CTCF: variants seen among roughly 807,000 people sequenced by gnomAD.
CTCF encodes the protein CCCTC-binding factor, also known as transcriptional repressor CTCF.
CTCF carries 7 observed loss-of-function variants against 72.3 expected under a neutral mutation model. The ratio of observed to expected loss-of-function variants is 0.10; its 90% CI spans 0.06 to 0.18. The LOEUF is 0.18. CTCF is among the 10% of genes least tolerant of loss of function. CTCF has a pLI of 1.00. For synonymous variants in CTCF, 374 were observed against 315.8 expected (o/e 1.18, Z -1.95); for missense variants, 516 against 949.1 (o/e 0.54, Z 6.00).
At chr16:67,637,657 C>G in intron 11 of CTCF, 31 bp from the exon 12 acceptor site, 2 of 1,584,344 alleles carry the variant, frequency 1.3e-6, no homozygotes, top group Non-Finnish European at 1.7e-6. Flanking sequence ...TTTAATGGAC[C>G]ATTTGTTCTG....
At chr16:67,607,506 A>G (rs1240110562) in intron 2 of CTCF, among the ~76,000 whole-genome samples, 3 of 149,710 alleles carry the variant, frequency 2.0e-5, no homozygotes, top group Non-Finnish European at 4.5e-5. Context: ...GGGTTTTGCC[A>G]TGTTAGCCAG....
intron 2 of CTCF, among the ~76,000 whole-genome samples, chr16:67,597,221 T>A (rs59939347): frequency 0.043 from 6,614 of 152,128 alleles, 471 homozygotes; most frequent in African/African-American, 0.15. Context: ...TTTTTAGTAT[T>A]GATGGAGTAT....
intron 3 of CTCF, 62 bp downstream of exon 3, chr16:67,611,675 T>C: frequency 7.0e-7 from 1 of 1,431,890 alleles, no homozygotes; most frequent in Non-Finnish European, 9.6e-7. Context: ...TACAACACAG[T>C]GCATATGCAA....
At chr16:67,583,484 C>G (rs1182517878) in intron 2 of CTCF, among the ~76,000 whole-genome samples, 1 of 151,710 alleles carries the variant, frequency 6.6e-6, no homozygotes, top group African/African-American at 2.4e-5. Flanking sequence ...GTCAAGAGTT[C>G]AAGACCAGCC....
intron 2 of CTCF, among the ~76,000 whole-genome samples, chr16:67,590,191 A>T (rs1236509264): frequency 1.3e-5 from 2 of 151,344 alleles, no homozygotes; most frequent in Admixed American, 1.3e-4. Flanking sequence ...ATTATTGTCT[A>T]GCCTTTATTA....
chr16:67,627,600 A>G (rs917903061), intron 8 of CTCF: 5 of 151,616 alleles, frequency 3.3e-5, no homozygotes, highest in African/African-American at 1.2e-4. Flanking sequence ...GGAGTTCAAG[A>G]CCAGCCTGGC....
At chr16:67,577,353 GTC>G in intron 2 of CTCF, among the ~76,000 whole-genome samples, 1 of 128,498 alleles carries the variant, frequency 7.8e-6, no homozygotes, top group Non-Finnish European at 1.6e-5. Flanking sequence ...GGGAGGCTCT[GTC>G]TCAAAAAAAA....
At chr16:67,608,521 A>G (rs917738370) in intron 2 of CTCF, among the ~76,000 whole-genome samples, 6 of 151,908 alleles carry the variant, frequency 3.9e-5, no homozygotes, top group African/African-American at 1.5e-4. Context: ...AAGGTCAAAA[A>G]CCCTTGACAG....
chr16:67,609,829 T>C (rs1237982528), intron 2 of CTCF, among the ~76,000 whole-genome samples: 1 of 152,086 alleles, frequency 6.6e-6, no homozygotes, highest in East Asian at 1.9e-4. Flanking sequence ...TTTCACCGTG[T>C]TAGCCAGGAT....
At chr16:67,575,395 TATGGC>T (rs2051481951) in intron 2 of CTCF, among the ~76,000 whole-genome samples, 1 of 151,120 alleles carries the variant, frequency 6.6e-6, no homozygotes. Flanking sequence ...TTAATAGCTA[TATGGC>T]CTTGGGCAGG....
intron 10 of CTCF, 39 bp downstream of exon 10, chr16:67,629,572 C>G (rs1269616953): frequency 6.2e-7 from 1 of 1,604,502 alleles, no homozygotes; most frequent in East Asian, 2.2e-5. Context: ...CTATGGCAGG[C>G]TTTGGAGCCC....
chr16:67,577,374 A>T (rs974590683), intron 2 of CTCF, among the ~76,000 whole-genome samples: 2 of 150,070 alleles, frequency 1.3e-5, no homozygotes, highest in East Asian at 2.0e-4. Context: ...AAAAAAAAAA[A>T]GGATAATGAA....
intron 2 of CTCF, among the ~76,000 whole-genome samples, chr16:67,590,462 TAC>T (rs1178671370): frequency 7.9e-5 from 12 of 152,028 alleles, no homozygotes; most frequent in Middle Eastern, 3.4e-3. Flanking sequence ...TAATTATTTC[TAC>T]ACACACACAT....
rs189668708 is a variant in CTCF, at chr16:67,593,869, A to G, written c.-9-16955A>G. Among the ~76,000 whole-genome samples the G allele has an allele frequency of 1.6e-3, 250 of 152,312 alleles. 1 individual carries two copies. Among genetic ancestry groups the G allele is most frequent in the African/African-American group, 5.7e-3 (235 of 41,572 alleles). ...TCAGTACACATGGATTATTCCTAGTATAATAACCAGTCTACTTAACTGACT... is the reference window on the plus strand; with the variant it reads ...TCAGTACACATGGATTATTCCTAGTGTAATAACCAGTCTACTTAACTGACT... On this transcript the variant is annotated intron_variant, in intron 2 of 11. Transcript: ENST00000264010.
chr16:67,590,943 AGAGT>A (rs2051734552), intron 2 of CTCF, among the ~76,000 whole-genome samples: 2 of 138,470 alleles, frequency 1.4e-5, no homozygotes, highest in Admixed American at 1.5e-4. Context: ...CCTGGATGAC[AGAGT>A]GAGACTCTGT....
At chr16:67,629,223 C>T (rs1463896801) in intron 9 of CTCF, among the ~76,000 whole-genome samples, 175 bp from the exon 10 acceptor site, 2 of 151,920 alleles carry the variant, frequency 1.3e-5, no homozygotes, top group Non-Finnish European at 2.9e-5. Flanking sequence ...TGCTGAGCCT[C>T]CCCTTAGAGA....
intron 2 of CTCF, among the ~76,000 whole-genome samples, chr16:67,573,288 G>C (rs1412163293): frequency 6.6e-6 from 1 of 151,716 alleles, no homozygotes; most frequent in Non-Finnish European, 1.5e-5. Flanking sequence ...AATTAGCTGG[G>C]TGTGGTGGTG....
chr16:67,582,983 C>CT (rs550423023), intron 2 of CTCF, among the ~76,000 whole-genome samples: 5,444 of 135,948 alleles, frequency 0.04, 155 homozygotes, highest in African/African-American at 0.065. Context: ...TCTTATTTTT[C>CT]TTTTTTTTTT....
At chr16:67,587,711 C>T (rs547360628) in intron 2 of CTCF, among the ~76,000 whole-genome samples, 6 of 151,944 alleles carry the variant, frequency 3.9e-5, no homozygotes, top group Admixed American at 6.6e-5. Context: ...ATAGCTTGAG[C>T]CCAGGAGTTC....
Sources: gnomAD v4.1 joint callset for allele counts (sites outside exome capture counted in the v4.1 genomes callset) on GRCh38, gnomAD v4.1.1 for gene constraint, MANE v1.5 for transcripts, NCBI Gene and HGNC (gene_info 2026-07-23, HGNC 2026-07-21) for gene names.